The following CALR variants were observed in gnomAD, a reference collection of about 807,000 sequenced individuals.
The protein encoded by CALR is CRP55.
Under a neutral mutation model 51.1 loss-of-function variants are expected in CALR, and 15 were observed. The observed-to-expected ratio is 0.29, with a 90% CI of 0.20 to 0.45. The LOEUF (loss-of-function observed/expected upper bound fraction) is 0.45. CALR is among the 20% of genes least tolerant of loss of function. CALR has a pLI of 1.00. For missense variants in CALR, 477 were observed against 530.6 expected, an observed-to-expected ratio of 0.90 and a Z score of 0.99; for synonymous variants, 239 against 205.9, an observed-to-expected ratio of 1.16 and a Z score of -1.38.
Position 12,940,902 on chromosome 19 carries a change from A to T in CALR, c.960+15A>T, listed in dbSNP as rs1184618834. ...ACCTCTGGCAGGTGAGACTTGGAGGAAAAAGGAGGATCCCTGGGGTACCTC... is the reference window on the plus strand; with the variant it reads ...ACCTCTGGCAGGTGAGACTTGGAGGTAAAAGGAGGATCCCTGGGGTACCTC... On this transcript the variant is annotated intron_variant, in intron 7 of 8. Coordinates refer to ENST00000316448, the MANE Select transcript of CALR (RefSeq NM_004343.4). 1 of 1,613,364 alleles carries T rather than the reference A, an allele frequency of 6.2e-7. No homozygotes were observed. The highest frequency in any genetic ancestry group is 8.5e-7 in the Non-Finnish European group (1 of 1,179,390).
chr19:12,938,731 G>A lies in CALR; in HGVS notation c.52G>A (p.Glu18Lys). 2 of 1,611,710 alleles carry A rather than the reference G, an allele frequency of 1.2e-6. No individual in the cohort carries two copies. Among genetic ancestry groups the A allele is most frequent in the Non-Finnish European group, 1.7e-6 (2 of 1,179,514 alleles). Residue 18 changes from glutamate to lysine, a missense_variant, in exon 1 of 9, where the codon GAG (glutamate) becomes AAG (lysine). Transcript: ENST00000316448. ...LLGLLGLAVA[E>K]PAVYFKEQFL... ...CGGCCTCCTCGGCCTGGCCGTCGCCGAGCCTGCCGTCTACTTCAAGGAGCA... is the reference window on the plus strand; with the variant it reads ...CGGCCTCCTCGGCCTGGCCGTCGCCAAGCCTGCCGTCTACTTCAAGGAGCA...
chr19:12,939,939 C>G, intron 3 of CALR, 114 bp from the exon 4 acceptor site: 2 of 821,820 alleles, frequency 2.4e-6, no homozygotes, highest in African/African-American at 1.7e-5. Flanking sequence ...AGTTTCTCTT[C>G]TCAGCCTTGA....
At chr19:12,939,829 T>C (rs1971521391) in intron 3 of CALR, among the ~76,000 whole-genome samples, 198 bp downstream of exon 3, 2 of 152,204 alleles carry the variant, frequency 1.3e-5, no homozygotes, top group African/African-American at 2.4e-5. Context: ...TTCCCAATCT[T>C]ACTAATGAGG....
intron 7 of CALR, among the ~76,000 whole-genome samples, chr19:12,941,640 C>T (rs186594538): frequency 1.3e-5 from 2 of 151,748 alleles, no homozygotes; most frequent in East Asian, 3.9e-4. Context: ...CCATGCCTGG[C>T]TAATTTTTTT....
In CALR at chr19:12,938,688, A is replaced by G. The variant is rs753422007; in HGVS notation, c.9A>G (p.Leu3=). ...CGCCCCCTCGGCCCGCCATGCTGCT[A>G]TCCGTGCCGCTGCTGCTCGGCCTCC... ML[L]SVPLLLGLLG... The change falls in exon 1 of 9, where the codon CTA becomes CTG. Residue 3 remains leucine (L), a synonymous_variant. Transcript: ENST00000316448. 5 of 1,610,462 alleles carry G rather than the reference A, an allele frequency of 3.1e-6. No homozygotes were observed. Among genetic ancestry groups the G allele is most frequent in the Non-Finnish European group, 4.2e-6 (5 of 1,178,848 alleles).
At chr19:12,943,312 C>T in intron 7 of CALR, 1 of 570,668 alleles carries the variant, frequency 1.8e-6, no homozygotes, top group Non-Finnish European at 3.2e-6. Flanking sequence ...TCTCGATCTC[C>T]TGACCTCGTG....
chr19:12,942,881 T>C (rs1367288102), intron 7 of CALR, among the ~76,000 whole-genome samples: 1 of 151,528 alleles, frequency 6.6e-6, no homozygotes, highest in African/African-American at 2.4e-5. Flanking sequence ...CTCGGCCTCC[T>C]GAGTAGCTGG....
Position 12,944,281 on chromosome 19 carries a change from T to G in CALR, c.*368T>G, listed in dbSNP as rs1971597437. 2 of 404,532 alleles carry G rather than the reference T, an allele frequency of 4.9e-6. No homozygotes were observed. The highest frequency in any genetic ancestry group is 4.6e-6 in the Non-Finnish European group (1 of 216,630). The allele number at this position is 404,532 out of a possible 1,614,324, so 25.1% of individuals were successfully genotyped here. On this transcript the variant is annotated 3_prime_UTR_variant, in exon 9 of 9. Transcript: ENST00000316448. ...CTGAGATTTCATCTGCTCTCCTTCC[T>G]GGAGCCCAGAGGAGGGCAGCAGAAG...
chr19:12,939,934 C>T, intron 3 of CALR, 119 bp from the exon 4 acceptor site: 3 of 801,398 alleles, frequency 3.7e-6, no homozygotes, highest in Non-Finnish European at 4.3e-6. Flanking sequence ...GTCTGAGTTT[C>T]TCTTCTCAGC....
At chr19:12,941,221 G>A (rs1971542280) in intron 7 of CALR, among the ~76,000 whole-genome samples, 1 of 152,176 alleles carries the variant, frequency 6.6e-6, no homozygotes, top group Admixed American at 6.6e-5. Flanking sequence ...GGCTGAGACA[G>A]AGGATTGCTT....
At position 12,940,615 on chromosome 19, in the gene CALR, A is replaced by G. The variant is rs1301490331; in HGVS notation, c.777A>G (p.Gly259=). Residue 259 remains glycine (G), a synonymous_variant, in exon 6 of 9, where the codon GGA becomes GGG. Coordinates refer to ENST00000316448, the MANE Select transcript of CALR (RefSeq NM_004343.4). ...AGGACTGGGATGAAGAGATGGACGGAGAGTGGGAACCCCCAGTGATTCAGA... is the reference window on the plus strand; with the variant it reads ...AGGACTGGGATGAAGAGATGGACGGGGAGTGGGAACCCCCAGTGATTCAGA... ...KPEDWDEEMD[G]EWEPPVIQNP... 5.0e-6 allele frequency: 8 copies of G among 1,614,062 alleles called. No homozygotes were observed. Among genetic ancestry groups the G allele is most frequent in the African/African-American group, 1.3e-5 (1 of 74,914 alleles).
rs1047468669 is a variant in CALR at position 12,939,061 on chromosome 19, C to T, written c.92-73C>T. 1.3e-5 allele frequency: 12 copies of T among 901,730 alleles called. No individual in the cohort carries two copies. In the African/African-American group the frequency reaches 1.8e-4, roughly 13 times the overall value. 55.9% of individuals were successfully genotyped at this position (901,730 alleles called of 1,614,324 possible). ...CTTTCCTGTCCCCAGCAGCTTGTGGCTCTCGGCAGATGTTTGGTGTGGGGG... is the reference window on the plus strand; with the variant it reads ...CTTTCCTGTCCCCAGCAGCTTGTGGTTCTCGGCAGATGTTTGGTGTGGGGG... On this transcript the variant is annotated intron_variant, in intron 1 of 8. Coordinates refer to ENST00000316448, the MANE Select transcript of CALR (RefSeq NM_004343.4).
Position 12,939,493 on chromosome 19 carries a change from A to G in CALR, c.259A>G (p.Lys87Glu). 1 of 1,613,034 alleles carries G rather than the reference A, an allele frequency of 6.2e-7. No homozygotes were observed. The highest frequency in any genetic ancestry group is 8.5e-7 in the Non-Finnish European group (1 of 1,180,020). ...GGCCAGTTTCGAGCCTTTCAGCAAC[A>G]AAGGCCAGACGCTGGTGGTGCAGTT... ...LSASFEPFSN[K>E]GQTLVVQFTV... The change falls in exon 3 of 9, where the codon AAA becomes GAA. Residue 87 changes from lysine (K) to glutamate (E), a missense_variant. By Grantham distance (56) the Lys-to-Glu change is moderately conservative. Transcript: ENST00000316448.
Position 12,938,724 on chromosome 19 carries a change from C to T in CALR, c.45C>T (p.Ala15=), listed in dbSNP as rs767385998. The T allele has an allele frequency of 1.9e-6, 3 of 1,611,558 alleles. No homozygotes were observed. In the East Asian group the frequency reaches 6.7e-5, roughly 36 times the overall value. The change falls in exon 1 of 9, where the codon GCC becomes GCT. Residue 15 remains alanine, a synonymous_variant. Transcript: ENST00000316448. ...VPLLLGLLGL[A]VAEPAVYFKE... is the part of the protein sequence containing the mutation. ...TGCTGCTCGGCCTCCTCGGCCTGGC[C>T]GTCGCCGAGCCTGCCGTCTACTTCA...
chr19:12,940,561 T>G lies in CALR; in HGVS notation c.723T>G (p.His241Gln). The change falls in exon 6 of 9, where the codon CAT becomes CAG. Residue 241 changes from histidine to glutamine, a missense_variant. His to Gln is a conservative substitution (Grantham distance 24). Coordinates refer to ENST00000316448, the MANE Select transcript of CALR (RefSeq NM_004343.4). ...CCCAGGACTGGGACAAGCCCGAGCA[T>G]ATCCCTGACCCTGATGCTAAGAAGC... is the stretch of plus-strand genomic sequence containing the variant. ...SKPEDWDKPEHIPDPDAKKPE... is the reference protein window; with the variant it reads ...SKPEDWDKPEQIPDPDAKKPE... 1 of 1,614,156 alleles carries G rather than the reference T, an allele frequency of 6.2e-7. No individual in the cohort carries two copies. Among genetic ancestry groups the G allele is most frequent in the Non-Finnish European group, 8.5e-7 (1 of 1,180,018 alleles).
intron 1 of CALR, 77 bp from the exon 2 acceptor site, chr19:12,939,056 TG>T (rs1366783438): frequency 1.2e-6 from 1 of 866,376 alleles, no homozygotes; most frequent in Admixed American, 2.0e-5. Context: ...CCCAGCAGCT[TG>T]TGGCTCTCGG....
intron 2 of CALR, 29 bp downstream of exon 2, chr19:12,939,264 C>A (rs1203084058): frequency 2.0e-6 from 3 of 1,517,552 alleles, no homozygotes; most frequent in Non-Finnish European, 2.7e-6. Flanking sequence ...GTGCTCAGAT[C>A]CGGGAGGACT....
intron 1 of CALR, 44 bp downstream of exon 1, chr19:12,938,814 G>A (rs1971502418): frequency 1.4e-6 from 2 of 1,419,896 alleles, no homozygotes; most frequent in Non-Finnish European, 2.0e-6. Context: ...CGACGCGGCC[G>A]GCCCCCGATC....
At chr19:12,943,672 T>G (rs368939810) in intron 8 of CALR, 41 bp from the exon 9 acceptor site, 3 of 1,613,820 alleles carry the variant, frequency 1.9e-6, no homozygotes, top group African/African-American at 1.3e-5. Context: ...CGGGCAGGGC[T>G]GGCAGGGGGC....
Sources: gnomAD v4.1 joint callset for allele counts (sites outside exome capture counted in the v4.1 genomes callset) on GRCh38, gnomAD v4.1.1 for gene constraint, MANE v1.5 for transcripts, NCBI Gene and HGNC (gene_info 2026-07-23, HGNC 2026-07-21) for gene names.